The following ACOT1 variants were observed in gnomAD, a reference collection of about 807,000 sequenced individuals.
The protein encoded by ACOT1 is acyl-coenzyme A thioesterase 1.
ACOT1 carries 8 observed loss-of-function variants against 15.7 expected under a neutral mutation model. The ratio of observed to expected loss-of-function variants is 0.51; its 90% confidence interval spans 0.30 to 0.92. The LOEUF (loss-of-function observed/expected upper bound fraction) is 0.92, where lower values mean the gene tolerates loss of function less well. Ranked by LOEUF, ACOT1 falls within the 40% of genes least tolerant of loss-of-function variation. The pLI, the probability that ACOT1 is intolerant of heterozygous loss-of-function variation, is 0.06. For missense variants in ACOT1, 151 were observed against 539.4 expected, an observed-to-expected ratio of 0.28 and a Z score of 7.13; for synonymous variants, 67 against 241.2, an observed-to-expected ratio of 0.28 and a Z score of 6.69.
At chr14:73,529,354 C>CAAAA in the ACOT1 span, among the ~76,000 whole-genome samples, 92 of 87,310 alleles carry the variant, frequency 1.1e-3, no homozygotes, top group African/African-American at 2.5e-3. Flanking sequence ...GACTCTGTCT[C>CAAAA]AAAAAAAAAA....
chr14:73,534,951 G>A (rs1457448372), upstream of ACOT1, among the ~76,000 whole-genome samples: 5 of 111,804 alleles, frequency 4.5e-5, no homozygotes, highest in African/African-American at 1.2e-4. Flanking sequence ...TCAGCTACTG[G>A]GGGAGTGTTT....
the ACOT1 span, chr14:73,493,065 C>G: frequency 6.2e-7 from 1 of 1,604,048 alleles, no homozygotes; most frequent in Non-Finnish European, 8.5e-7. Context: ...CTCACATTTA[C>G]CTTTATCACT....
chr14:73,532,958 AAAAT>A (rs936303402), upstream of ACOT1, among the ~76,000 whole-genome samples: 1 of 111,556 alleles, frequency 9.0e-6, no homozygotes, highest in Non-Finnish European at 1.9e-5. Context: ...CCATCTCAAA[AAAAT>A]AAATAAATAA....
the ACOT1 span, chr14:73,508,380 T>C: frequency 8.8e-7 from 1 of 1,135,464 alleles, no homozygotes; most frequent in Non-Finnish European, 1.3e-6. Context: ...CCAAGGCTGC[T>C]ACCCCACCTG....
the ACOT1 span, among the ~76,000 whole-genome samples, chr14:73,510,956 T>G: frequency 6.6e-6 from 1 of 152,236 alleles, no homozygotes; most frequent in Admixed American, 6.5e-5. Context: ...AGTATTTATA[T>G]TTCACTTATA....
the ACOT1 span, chr14:73,508,230 A>G: frequency 1.9e-6 from 3 of 1,613,972 alleles, no homozygotes; most frequent in East Asian, 2.2e-5. Context: ...TCTTAATCAC[A>G]GGGTAAGTAG....
chr14:73,508,680 C>T, the ACOT1 span, among the ~76,000 whole-genome samples: 1 of 129,824 alleles, frequency 7.7e-6, no homozygotes, highest in African/African-American at 2.9e-5. Flanking sequence ...ACCCAGGAGG[C>T]GGAGGTTGCA....
chr14:73,502,860 T>C, the ACOT1 span: 3 of 1,521,322 alleles, frequency 2.0e-6, no homozygotes, highest in Non-Finnish European at 1.8e-6. Flanking sequence ...TCTAAGAATT[T>C]AGAAGAGTGT....
chr14:73,525,326 C>T, the ACOT1 span, among the ~76,000 whole-genome samples: 1 of 152,278 alleles, frequency 6.6e-6, no homozygotes, highest in South Asian at 2.1e-4. Context: ...AGCTACAGCA[C>T]TCAGCAAAGG....
chr14:73,498,116 G>C, the ACOT1 span: 1 of 1,559,042 alleles, frequency 6.4e-7, no homozygotes. Context: ...AGAGTTGGCA[G>C]TATAAGGTCA....
At chr14:73,500,581 G>A in the ACOT1 span, 1 of 1,613,742 alleles carries the variant, frequency 6.2e-7, no homozygotes, top group South Asian at 1.1e-5. Context: ...GGCACCAGCT[G>A]CCAAACAGGC....
intron 2 of ACOT1, 86 bp from the exon 3 acceptor site, chr14:73,542,964 C>T (rs567001059): frequency 1.7e-6 from 2 of 1,197,424 alleles, no homozygotes; most frequent in Admixed American, 5.1e-5. Context: ...GACTCAGGTT[C>T]AACTAACTTC....
At chr14:73,509,860 ATATATATATTTATT>A in the ACOT1 span, among the ~76,000 whole-genome samples, 726 of 63,342 alleles carry the variant, frequency 0.011, 57 homozygotes, top group Non-Finnish European at 0.018. Context: ...ATATATATAT[ATATATATATTTATT>A]TATTTTATAT....
chr14:73,491,464 G>C, the ACOT1 span: 2 of 1,479,312 alleles, frequency 1.4e-6, no homozygotes, highest in South Asian at 2.7e-5. Flanking sequence ...CGGCCCTGCT[G>C]TGCACCGCGC....
chr14:73,541,843 C>T, intron 2 of ACOT1, 148 bp downstream of exon 2: 1 of 584,046 alleles, frequency 1.7e-6, no homozygotes, highest in South Asian at 2.1e-5. Context: ...TAGACAGTTT[C>T]TTTCTTTCTT....
At chr14:73,509,850 A>ATTTATATATT in the ACOT1 span, among the ~76,000 whole-genome samples, 2 of 62,530 alleles carry the variant, frequency 3.2e-5, no homozygotes, top group African/African-American at 1.5e-4. Flanking sequence ...ATATATATAT[A>ATTTATATATT]TATATATATA....
chr14:73,532,813 G>A (rs542117158), upstream of ACOT1, among the ~76,000 whole-genome samples: 33 of 112,984 alleles, frequency 2.9e-4, 12 homozygotes, highest in East Asian at 0.021. Flanking sequence ...AAAATTAGCC[G>A]GGTGTGGTGG....
At chr14:73,535,469 C>CTTTTTTTTTTTTTTTTTTTTTT (rs869167008), upstream of ACOT1, among the ~76,000 whole-genome samples, 1 of 16,540 alleles carries the variant, frequency 6.0e-5, no homozygotes, top group Non-Finnish European at 2.8e-4. Flanking sequence ...TTTCTTCTTT[C>CTTTTTTTTTTTTTTTTTTTTTT]TTTTTTTTTT....
At chr14:73,495,254 T>C in the ACOT1 span, 1 of 1,614,062 alleles carries the variant, frequency 6.2e-7, no homozygotes, top group Non-Finnish European at 8.5e-7. Flanking sequence ...GAGTAAAGTC[T>C]GGAGTGTTAG....
Sources: gnomAD v4.1 joint callset for allele counts (sites outside exome capture counted in the v4.1 genomes callset) on GRCh38, gnomAD v4.1.1 for gene constraint, MANE v1.5 for transcripts, NCBI Gene and HGNC (gene_info 2026-07-23, HGNC 2026-07-21) for gene names.